TAOK1: variants seen among roughly 807,000 people sequenced by gnomAD.
TAOK1 encodes TAO kinase 1, also known as serine/threonine-protein kinase TAO1.
In TAOK1, 21 loss-of-function variants were observed where a neutral mutation model predicts 138.3. The ratio of observed to expected loss-of-function variants is 0.15; its 90% CI spans 0.11 to 0.22. TAOK1 has a LOEUF of 0.22. TAOK1 is among the 10% of genes least tolerant of loss of function. The pLI is 1.00. For synonymous variants in TAOK1, 361 were observed against 398.4 expected, an observed-to-expected ratio of 0.91 and a Z score of 1.12; for missense variants, 651 against 1,227.7, an observed-to-expected ratio of 0.53 and a Z score of 7.02.
chr17:29,469,059 T>G (rs12946394), intron 3 of TAOK1, among the ~76,000 whole-genome samples: 23,482 of 152,116 alleles, frequency 0.15, 2,072 homozygotes, highest in Middle Eastern at 0.22. Context: ...TTTCATAAAT[T>G]TATTTATGAA....
At chr17:29,534,376 G>A in intron 19 of TAOK1, 76 bp downstream of exon 19, 9 of 1,290,316 alleles carry the variant, frequency 7.0e-6, no homozygotes, top group Non-Finnish European at 9.2e-6. Context: ...ATATTTTCAT[G>A]TTGGCAGAGG....
intron 1 of TAOK1, among the ~76,000 whole-genome samples, chr17:29,409,808 G>A (rs1377623362): frequency 6.6e-6 from 1 of 152,100 alleles, no homozygotes; most frequent in Non-Finnish European, 1.5e-5. Flanking sequence ...CCAAGTATCT[G>A]TAACATTCTT....
chr17:29,533,748 G>A (rs1305313337), intron 18 of TAOK1, among the ~76,000 whole-genome samples: 1 of 140,704 alleles, frequency 7.1e-6, no homozygotes, highest in Non-Finnish European at 1.5e-5. Context: ...GGCTGAGGCA[G>A]GAGAATCAGG....
chr17:29,413,768 T>C (rs1905199524), intron 1 of TAOK1, among the ~76,000 whole-genome samples: 1 of 152,092 alleles, frequency 6.6e-6, no homozygotes, highest in Non-Finnish European at 1.5e-5. Context: ...TTTCCTCTCT[T>C]CCGTCTCTGA....
At chr17:29,518,167 A>G (rs2031852296) in intron 16 of TAOK1, among the ~76,000 whole-genome samples, 1 of 152,172 alleles carries the variant, frequency 6.6e-6, no homozygotes. Flanking sequence ...GCACCACCAC[A>G]TTCTTCTGCT....
chr17:29,410,548 T>C (rs904150579), intron 1 of TAOK1, among the ~76,000 whole-genome samples: 3 of 148,822 alleles, frequency 2.0e-5, no homozygotes, highest in Non-Finnish European at 4.5e-5. Context: ...CCACCACAAC[T>C]GGCCTATATG....
At chr17:29,409,147 G>A (rs541846460) in intron 1 of TAOK1, among the ~76,000 whole-genome samples, 3 of 151,670 alleles carry the variant, frequency 2.0e-5, no homozygotes, top group Admixed American at 6.6e-5. Context: ...TCTATGTTGC[G>A]TGTTTCATTA....
chr17:29,513,583 A>G (rs2031762319), intron 15 of TAOK1: 1 of 152,196 alleles, frequency 6.6e-6, no homozygotes, highest in Non-Finnish European at 1.5e-5. Context: ...AATGATTCTC[A>G]GTAGAGAGGA....
At chr17:29,430,791 T>C (rs563463693) in intron 1 of TAOK1, among the ~76,000 whole-genome samples, 2 of 152,282 alleles carry the variant, frequency 1.3e-5, no homozygotes, top group South Asian at 4.2e-4. Flanking sequence ...CTGTAACTGC[T>C]TCATGCTGAT....
At chr17:29,447,038 CTTT>C (rs879753236) in intron 1 of TAOK1, among the ~76,000 whole-genome samples, 4 of 131,478 alleles carry the variant, frequency 3.0e-5, no homozygotes, top group Admixed American at 7.7e-5. Flanking sequence ...CTGTGGCTGG[CTTT>C]TTTTTTTTTT....
chr17:29,522,174 T>G, intron 16 of TAOK1, 106 bp from the exon 17 acceptor site: 2 of 1,411,830 alleles, frequency 1.4e-6, no homozygotes, highest in Middle Eastern at 4.0e-4. Flanking sequence ...TATAATTGAA[T>G]AACAGGGTTA....
chr17:29,453,574 T>C (rs1372942151), intron 2 of TAOK1, among the ~76,000 whole-genome samples: 1 of 151,008 alleles, frequency 6.6e-6, no homozygotes, highest in African/African-American at 2.4e-5. Context: ...ATTTTTTGTT[T>C]TGTTTTGTTT....
chr17:29,500,213 C>T (rs932125796), intron 12 of TAOK1, among the ~76,000 whole-genome samples: 4 of 152,056 alleles, frequency 2.6e-5, no homozygotes, highest in Admixed American at 2.0e-4. Context: ...ACTCAGGAGG[C>T]TAAGGTGGTA....
chr17:29,411,123 G>A (rs1281272638), intron 1 of TAOK1, among the ~76,000 whole-genome samples: 3 of 108,804 alleles, frequency 2.8e-5, no homozygotes, highest in Admixed American at 1.4e-4. Flanking sequence ...ACGGAGTCTC[G>A]CTCTGTCGCC....
At chr17:29,418,076 C>T (rs1033868698) in intron 1 of TAOK1, among the ~76,000 whole-genome samples, 2 of 151,990 alleles carry the variant, frequency 1.3e-5, no homozygotes, top group African/African-American at 2.4e-5. Context: ...TTAGTAGAGA[C>T]GGGGTTTCGC....
At chr17:29,541,262 A>C (rs1003172272) in intron 19 of TAOK1, among the ~76,000 whole-genome samples, 6 of 150,454 alleles carry the variant, frequency 4.0e-5, no homozygotes, top group Admixed American at 1.3e-4. Flanking sequence ...GACGTGTGCC[A>C]CCGCGCCTGG....
At chr17:29,508,200 C>A in intron 14 of TAOK1, 68 bp downstream of exon 14, 1 of 1,347,286 alleles carries the variant, frequency 7.4e-7, no homozygotes, top group Non-Finnish European at 1.1e-6. Flanking sequence ...ACCAACATGG[C>A]AGTTTGATGT....
At chr17:29,539,493 A>G (rs907699301) in intron 19 of TAOK1, among the ~76,000 whole-genome samples, 1 of 152,038 alleles carries the variant, frequency 6.6e-6, no homozygotes, top group African/African-American at 2.4e-5. Context: ...CTGGAGTGCA[A>G]TGGCACTATC....
intron 19 of TAOK1, among the ~76,000 whole-genome samples, chr17:29,536,943 G>T (rs564925966): frequency 1.3e-5 from 2 of 151,938 alleles, no homozygotes; most frequent in African/African-American, 4.8e-5. Flanking sequence ...CTCGTGATCC[G>T]CCTGCCTCGG....
Sources: allele counts gnomAD v4.1 joint callset (sites outside exome capture counted in the v4.1 genomes callset), GRCh38; gene constraint gnomAD v4.1.1; transcripts MANE v1.5; gene names NCBI Gene and HGNC (gene_info 2026-07-23, HGNC 2026-07-21).